The following TMC3 variants were observed in gnomAD, a reference collection of about 807,000 sequenced individuals.
TMC3 encodes the protein transmembrane channel-like protein 3.
In TMC3, 98 loss-of-function variants were observed where a neutral mutation model predicts 110.6. That is an observed-to-expected ratio of 0.89 (90% CI 0.75 to 1.05). The LOEUF (loss-of-function observed/expected upper bound fraction) is 1.05. Ranked by LOEUF, TMC3 falls within the 50% of genes least tolerant of loss-of-function variation. The pLI is 0.00. For synonymous variants in TMC3, 489 were observed against 513.1 expected, an observed-to-expected ratio of 0.95 and a Z score of 0.63; for missense variants, 1,319 against 1,373.2, an observed-to-expected ratio of 0.96 and a Z score of 0.62.
intron 2 of TMC3, among the ~76,000 whole-genome samples, chr15:81,370,272 GGTTCC>G (rs1226055427): frequency 1.3e-5 from 2 of 152,164 alleles, no homozygotes; most frequent in Non-Finnish European, 2.9e-5. Flanking sequence ...AAGCAGTCAG[GGTTCC>G]GTGCTTTTTG....
At chr15:81,370,762 C>T (rs1394560540) in intron 2 of TMC3, among the ~76,000 whole-genome samples, 1 of 150,420 alleles carries the variant, frequency 6.6e-6, no homozygotes, top group Non-Finnish European at 1.5e-5. Flanking sequence ...GCAACCTCTT[C>T]CTCCCGGGTT....
intron 3 of TMC3, among the ~76,000 whole-genome samples, chr15:81,363,193 G>T (rs745383435): frequency 6.6e-6 from 1 of 151,590 alleles, no homozygotes; most frequent in Non-Finnish European, 1.5e-5. Context: ...AGAGGTTGCA[G>T]TGAGCCGAGA....
chr15:81,335,617 T>C (rs190577999), intron 20 of TMC3: 7 of 152,754 alleles, frequency 4.6e-5, no homozygotes, highest in Admixed American at 4.6e-4. Context: ...TCAGACATTT[T>C]TCTGGAGAGG....
In TMC3 at chr15:81,346,411, CT is replaced by C; in HGVS notation, c.1225del (p.Ser409AlafsTer2). The C allele has an allele frequency of 6.2e-7, 1 of 1,613,704 alleles. No homozygotes were observed. The highest frequency in any genetic ancestry group is 8.5e-7 in the Non-Finnish European group (1 of 1,179,830). ...TTTGTCCAGGAGAGCAATGATCAGGCTGTAGAGATTTCCCAAATACAGCACA... is the reference window on the plus strand; with the variant it reads ...TTTGTCCAGGAGAGCAATGATCAGGCGTAGAGATTTCCCAAATACAGCACA... ...VLVLYLGNLY[S>X]LIIALLDKVN... On this transcript the variant is annotated frameshift_variant, in exon 12 of 22. Coordinates refer to ENST00000359440, the MANE Select transcript of TMC3 (RefSeq NM_001080532.3). LOFTEE classifies it high-confidence loss of function.
Position 81,338,684 on chromosome 15 carries a change from C to G in TMC3, c.2052G>C (p.Val684=). Residue 684 remains valine, a synonymous_variant, in exon 18 of 22, where the codon GTG becomes GTC. Transcript: ENST00000359440. ...GSVVGHISSP[V]VILPAVLLLF... is the part of the protein sequence containing the mutation. ...GCAGGAGTACTGCGGGCAGGATGAC[C>G]ACGGGGCTACTGATGTGTCCAACCA... 6.2e-7 allele frequency: 1 copy of G among 1,613,992 alleles called. No homozygotes were observed. Among genetic ancestry groups the G allele is most frequent in the Non-Finnish European group, 8.5e-7 (1 of 1,179,866 alleles).
chr15:81,338,714 G>A lies in TMC3; in HGVS notation c.2022C>T (p.Gly674=). 3.7e-6 allele frequency: 6 copies of A among 1,614,016 alleles called. No homozygotes were observed. Among genetic ancestry groups the A allele is most frequent in the Non-Finnish European group, 5.1e-6 (6 of 1,179,890 alleles). ...GGCTACTGATGTGTCCAACCACGGA[G>A]CCAAACCACACAGGAAAGTCTTTCT... ...TIEKDFPVWF[G]SVVGHISSPV... The change falls in exon 18 of 22, where the codon GGC becomes GGT. Residue 674 remains glycine (G), a synonymous_variant. Transcript: ENST00000359440.
intron 13 of TMC3, 28 bp from the exon 14 acceptor site, chr15:81,344,073 AC>A: frequency 6.3e-7 from 1 of 1,593,770 alleles, no homozygotes; most frequent in Non-Finnish European, 8.5e-7. Flanking sequence ...CCTGGATGCC[AC>A]CATGCCCCAC....
At chr15:81,336,699 A>G (rs1345191164) in intron 19 of TMC3, 48 bp from the exon 20 acceptor site, 3 of 1,579,698 alleles carry the variant, frequency 1.9e-6, no homozygotes, top group Non-Finnish European at 2.6e-6. Flanking sequence ...AGCAGGAAGC[A>G]GTAACAAATA....
chr15:81,362,432 G>A, intron 3 of TMC3, 131 bp from the exon 4 acceptor site: 1 of 688,202 alleles, frequency 1.5e-6, no homozygotes, highest in Admixed American at 2.4e-5. Context: ...TGGCTTCATA[G>A]GCCTTTAAGC....
At chr15:81,352,354 T>C (rs895944571) in intron 9 of TMC3, among the ~76,000 whole-genome samples, 1 of 152,154 alleles carries the variant, frequency 6.6e-6, no homozygotes, top group Non-Finnish European at 1.5e-5. Flanking sequence ...TATATGACAG[T>C]GGTTCCATAA....
chr15:81,360,896 C>T (rs1386121659), intron 4 of TMC3, among the ~76,000 whole-genome samples: 7 of 151,968 alleles, frequency 4.6e-5, no homozygotes, highest in African/African-American at 1.7e-4. Context: ...GGTAGACTAG[C>T]CAAGGAAGGG....
chr15:81,336,606 T>TA lies in TMC3; in HGVS notation c.2203+2dup. On this transcript the variant is annotated splice_region_variant and intron_variant, in intron 20 of 21. Transcript: ENST00000359440. ...AACAACAAAAAGAAACGGAAATACT[T>TA]ACCTTCTACCATCTGGGCAACCTTT... The TA allele has an allele frequency of 2.5e-6, 4 of 1,613,698 alleles. No homozygotes were observed. Among genetic ancestry groups the TA allele is most frequent in the Non-Finnish European group, 3.4e-6 (4 of 1,179,764 alleles).
chr15:81,342,194 T>A (rs1893729691), intron 15 of TMC3, among the ~76,000 whole-genome samples: 1 of 152,226 alleles, frequency 6.6e-6, no homozygotes, highest in South Asian at 2.1e-4. Flanking sequence ...ACAAAACCCA[T>A]GTCTTCAGAC....
intron 18 of TMC3, 26 bp from the exon 19 acceptor site, chr15:81,337,950 G>A: frequency 6.3e-7 from 1 of 1,577,252 alleles, no homozygotes; most frequent in Non-Finnish European, 8.7e-7. Flanking sequence ...ACAGGACAAT[G>A]AGTGGACTGC....
chr15:81,370,479 G>T (rs185927036), intron 2 of TMC3, among the ~76,000 whole-genome samples: 73 of 152,192 alleles, frequency 4.8e-4, no homozygotes, highest in African/African-American at 1.7e-3. Context: ...GCCATCTTGG[G>T]GCTCTGGATG....
intron 11 of TMC3, among the ~76,000 whole-genome samples, 172 bp downstream of exon 11, chr15:81,349,286 C>T (rs1567064705): frequency 6.6e-6 from 1 of 152,150 alleles, no homozygotes; most frequent in Admixed American, 6.5e-5. Context: ...TGCCTCCTCC[C>T]CTATCCCTCC....
At chr15:81,351,923 C>G in intron 9 of TMC3, 82 bp from the exon 10 acceptor site, 1 of 1,494,972 alleles carries the variant, frequency 6.7e-7, no homozygotes, top group Non-Finnish European at 9.1e-7. Context: ...TACTTGGGGA[C>G]TGGAACACAT....
rs61360425 is a variant in TMC3, at chr15:81,363,250, CAA to C, written c.313-951_313-950del. Among the ~76,000 whole-genome samples, 310 of 125,236 alleles carry C rather than the reference CAA, an allele frequency of 2.5e-3. 1 individual carries two copies. The highest frequency in any genetic ancestry group is 4.3e-3 in the Middle Eastern group (1 of 234). 82.2% of individuals were successfully genotyped at this position (125,236 alleles called of 152,430 possible). On this transcript the variant is annotated intron_variant, in intron 3 of 21. Transcript: ENST00000359440. ...TGGGGGACAGAGTGAGACTCCGTCT[CAA>C]AAAAAAAAAAAAAATTGTCTTATGT...
chr15:81,332,773 C>G lies in TMC3; in HGVS notation c.2949G>C (p.Arg983=). The change falls in exon 22 of 22, where the codon CGG becomes CGC. Residue 983 remains arginine, a synonymous_variant. Transcript: ENST00000359440. Reference sequence around the variant, plus strand: ...GCACCCTCCCCTGGTGCTCGGGATCCCGGGTCTGACTTTCGGACCTCTCCC... The same window carrying G: ...GCACCCTCCCCTGGTGCTCGGGATCGCGGGTCTGACTTTCGGACCTCTCCC... ...YIGERSESQT[R]DPEHQGRVHY... 3 of 1,611,796 alleles carry G rather than the reference C, an allele frequency of 1.9e-6. No individual in the cohort carries two copies. Among genetic ancestry groups the G allele is most frequent in the Non-Finnish European group, 2.5e-6 (3 of 1,178,988 alleles).
Sources: gnomAD v4.1 joint callset for allele counts (sites outside exome capture counted in the v4.1 genomes callset) on GRCh38, gnomAD v4.1.1 for gene constraint, MANE v1.5 for transcripts, NCBI Gene and HGNC (gene_info 2026-07-23, HGNC 2026-07-21) for gene names.